Variants in CALN1 observed in about 807,000 individuals in gnomAD.
CALN1 encodes the protein calcium-binding protein 8.
CALN1 carries 17 observed loss-of-function variants against 30.6 expected under a neutral mutation model. The observed-to-expected ratio is 0.56, with a 90% CI of 0.38 to 0.83. CALN1 has a LOEUF of 0.83. Among genes scored for constraint, CALN1 ranks in the 40% least tolerant of loss-of-function variants. The pLI, the probability that CALN1 is intolerant of heterozygous loss-of-function variation, is 0.00. For missense variants in CALN1, 291 were observed against 354.9 expected (o/e 0.82, Z 1.45); for synonymous variants, 156 against 131.4 (o/e 1.19, Z -1.28).
At chr7:72,454,416 G>A in the CALN1 span, among the ~76,000 whole-genome samples, 2 of 152,096 alleles carry the variant, frequency 1.3e-5, no homozygotes, top group African/African-American at 4.8e-5. Context: ...AGTAATGAAC[G>A]CCCTGTCCCA....
At chr7:71,902,818 T>C (rs1389569992) in intron 5 of CALN1, among the ~76,000 whole-genome samples, 1 of 152,114 alleles carries the variant, frequency 6.6e-6, no homozygotes, top group East Asian at 1.9e-4. Flanking sequence ...AAGAATGAAA[T>C]AATGTCTTTG....
intron 2 of CALN1, among the ~76,000 whole-genome samples, chr7:72,382,970 T>C (rs1804998717): frequency 6.6e-6 from 1 of 152,142 alleles, no homozygotes; most frequent in Non-Finnish European, 1.5e-5. Flanking sequence ...TGTATTTTTC[T>C]AGAGATGGGG....
the CALN1 span, among the ~76,000 whole-genome samples, chr7:72,483,929 T>C: frequency 1.1e-3 from 161 of 152,328 alleles, no homozygotes; most frequent in African/African-American, 3.6e-3. Context: ...GAAAATTTGG[T>C]TTAAAATTTT....
intron 2 of CALN1, among the ~76,000 whole-genome samples, chr7:72,395,584 T>C (rs1221871736): frequency 1.3e-5 from 2 of 152,204 alleles, no homozygotes; most frequent in African/African-American, 2.4e-5. Flanking sequence ...CTGAGGATCA[T>C]TCATCTGTAA....
In CALN1 at chr7:72,365,224, G is replaced by A. The variant is rs959531501; in HGVS notation, c.119+38027C>T. On this transcript the variant is annotated intron_variant, in intron 2 of 6. Coordinates refer to ENST00000395275, the MANE Select transcript of CALN1 (RefSeq NM_031468.4). ...GGAGGCTGAGGCAGGAGAATCACCT[G>A]AACCCAGGAGGGTTCAGCAAGACCC... Among the ~76,000 whole-genome samples the A allele has an allele frequency of 1.1e-4, 17 of 152,110 alleles. 1 individual carries two copies. Among genetic ancestry groups the A allele is most frequent in the Admixed American group, 3.9e-4 (6 of 15,272 alleles).
chr7:72,263,150 A>G (rs1449646236), intron 3 of CALN1, among the ~76,000 whole-genome samples: 1 of 152,206 alleles, frequency 6.6e-6, no homozygotes, highest in Non-Finnish European at 1.5e-5. Context: ...TCATCATAAC[A>G]ATAACAATAA....
intron 4 of CALN1, among the ~76,000 whole-genome samples, chr7:72,046,828 GACCAGTCTGGGCA>G (rs1802504462): frequency 2.0e-5 from 3 of 150,718 alleles, no homozygotes; most frequent in Admixed American, 6.6e-5. Context: ...AGGAGTCTGA[GACCAGTCTGGGCA>G]ACCTAGCAAA....
chr7:71,946,639 G>C (rs925362624), intron 5 of CALN1, among the ~76,000 whole-genome samples: 14 of 150,244 alleles, frequency 9.3e-5, no homozygotes, highest in African/African-American at 3.4e-4. Flanking sequence ...TCAGATTACA[G>C]GTGTGAGCCA....
At position 71,863,583 on chromosome 7, in the gene CALN1, A is replaced by G. The variant is rs1791422916; in HGVS notation, c.502-53091T>C. Reference sequence around the variant, plus strand: ...AAAAAAAAAAAAAAAAAAAAAAAAAAGAAGAAAGAAAGAAATAACAACAAA... The same window carrying G: ...AAAAAAAAAAAAAAAAAAAAAAAAAGGAAGAAAGAAAGAAATAACAACAAA... On this transcript the variant is annotated intron_variant, in intron 5 of 6. Coordinates refer to ENST00000395275, the MANE Select transcript of CALN1 (RefSeq NM_031468.4). Among the ~76,000 whole-genome samples, 4 of 146,964 alleles carry G rather than the reference A, an allele frequency of 2.7e-5. 1 individual carries two copies. In the Admixed American group the frequency reaches 2.7e-4, roughly 10 times the overall value.
intron 3 of CALN1, among the ~76,000 whole-genome samples, chr7:72,162,993 C>T (rs967990043): frequency 6.6e-6 from 1 of 152,180 alleles, no homozygotes; most frequent in Non-Finnish European, 1.5e-5. Context: ...ACTGCTCAGG[C>T]ACAGGAGCAC....
chr7:71,812,776 C>T (rs977427696), intron 5 of CALN1, among the ~76,000 whole-genome samples: 9 of 151,878 alleles, frequency 5.9e-5, no homozygotes, highest in African/African-American at 2.2e-4. Flanking sequence ...CAAGGTCTTG[C>T]TCGGTGGTCC....
intron 5 of CALN1, among the ~76,000 whole-genome samples, chr7:71,865,281 G>C (rs1791521994): frequency 1.3e-5 from 2 of 152,070 alleles, no homozygotes. Flanking sequence ...TGCAAGATCT[G>C]ATTGTTTAAC....
chr7:71,943,706 T>G (rs1271673671), intron 5 of CALN1, among the ~76,000 whole-genome samples: 1 of 152,118 alleles, frequency 6.6e-6, no homozygotes, highest in Non-Finnish European at 1.5e-5. Flanking sequence ...ACTCCCAAAG[T>G]GTTGGGATTA....
chr7:72,470,349 G>A, the CALN1 span, among the ~76,000 whole-genome samples: 1 of 152,220 alleles, frequency 6.6e-6, no homozygotes, highest in Non-Finnish European at 1.5e-5. Flanking sequence ...TTCAAGACCA[G>A]CCTGGGCAAG....
intron 5 of CALN1, among the ~76,000 whole-genome samples, chr7:71,925,148 G>A (rs975336750): frequency 1.3e-4 from 20 of 152,132 alleles, no homozygotes. Context: ...AGCTGAAGCA[G>A]GAGGATCGCT....
rs111597399 is a variant in CALN1, at chr7:72,371,897, A to G, written c.119+31354T>C. Reference sequence around the variant, plus strand: ...CAGTGATAAAATCAGGGCAGAATGCATGGAGCAGCTATTCGAGAACTCTGA... The same window carrying G: ...CAGTGATAAAATCAGGGCAGAATGCGTGGAGCAGCTATTCGAGAACTCTGA... On this transcript the variant is annotated intron_variant, in intron 2 of 6. Transcript: ENST00000395275. 4.7e-3 allele frequency among the ~76,000 whole-genome samples: 717 copies of G among 152,330 alleles called. 6 individuals carry two copies. The highest frequency in any genetic ancestry group is 8.3e-3 in the Non-Finnish European group (563 of 68,026).
At chr7:72,065,727 A>G (rs1803976933) in intron 4 of CALN1, among the ~76,000 whole-genome samples, 1 of 152,054 alleles carries the variant, frequency 6.6e-6, no homozygotes, top group African/African-American at 2.4e-5. Context: ...CCCCATCTCC[A>G]CTAAAAATAC....
Position 72,235,444 on chromosome 7 carries a change from C to G in CALN1, c.244+43242G>C, listed in dbSNP as rs768978093. Reference sequence around the variant, plus strand: ...GCTACAGGGAAATCTACATTGAAGGCAACTCCTAAAGAAATAGCTCCATAG... The same window carrying G: ...GCTACAGGGAAATCTACATTGAAGGGAACTCCTAAAGAAATAGCTCCATAG... On this transcript the variant is annotated intron_variant, in intron 3 of 6. Transcript: ENST00000395275. 8.5e-5 allele frequency among the ~76,000 whole-genome samples: 13 copies of G among 152,164 alleles called. No homozygotes were observed. In the South Asian group the frequency reaches 2.1e-3, roughly 24 times the overall value.
intron 2 of CALN1, among the ~76,000 whole-genome samples, chr7:72,391,637 G>A (rs1254041034): frequency 1.3e-5 from 2 of 152,204 alleles, no homozygotes; most frequent in South Asian, 2.1e-4. Context: ...CCCTCATACT[G>A]TTCTCGTGGT....
Sources: gnomAD v4.1 joint callset for allele counts (sites outside exome capture counted in the v4.1 genomes callset) on GRCh38, gnomAD v4.1.1 for gene constraint, MANE v1.5 for transcripts, NCBI Gene and HGNC (gene_info 2026-07-23, HGNC 2026-07-21) for gene names.